RBFOX1: variants seen among roughly 807,000 people sequenced by gnomAD.
The protein encoded by RBFOX1 is RNA binding protein fox-1 homolog 1.
In RBFOX1, 8 loss-of-function variants were observed where a neutral mutation model predicts 57.7. The observed-to-expected ratio is 0.14, with a 90% CI of 0.08 to 0.25. The LOEUF (loss-of-function observed/expected upper bound fraction) is 0.25. Ranked by LOEUF, RBFOX1 falls within the 10% of genes least tolerant of loss-of-function variation. The pLI is 1.00. For missense variants in RBFOX1, 611 were observed against 548.5 expected, an observed-to-expected ratio of 1.11 and a Z score of -1.14; for synonymous variants, 326 against 222.4, an observed-to-expected ratio of 1.47 and a Z score of -4.15.
chr16:6,799,127 C>T (rs1180486072), intron 3 of RBFOX1, among the ~76,000 whole-genome samples: 1 of 152,010 alleles, frequency 6.6e-6, no homozygotes, highest in Non-Finnish European at 1.5e-5. Flanking sequence ...AATCCCAGAA[C>T]TGGGGCTCAG....
chr16:6,330,678 A>C (rs945430461), intron 2 of RBFOX1, among the ~76,000 whole-genome samples: 1 of 152,218 alleles, frequency 6.6e-6, no homozygotes, highest in Admixed American at 6.5e-5. Context: ...GCCTAGACTC[A>C]GGGGTCTTAC....
chr16:7,388,324 G>A (rs1229409299), intron 4 of RBFOX1, among the ~76,000 whole-genome samples: 1 of 152,164 alleles, frequency 6.6e-6, no homozygotes, highest in Admixed American at 6.5e-5. Flanking sequence ...CTGAATACAA[G>A]TGGCAATGAG....
At chr16:7,582,835 G>C (rs373704325) in intron 6 of RBFOX1, among the ~76,000 whole-genome samples, 1 of 152,166 alleles carries the variant, frequency 6.6e-6, no homozygotes, top group East Asian at 1.9e-4. Flanking sequence ...TTTGTCTCTT[G>C]TTAAATATAG....
intron 1 of RBFOX1, among the ~76,000 whole-genome samples, chr16:5,418,346 C>T (rs740470): frequency 9.1e-5 from 13 of 143,206 alleles, no homozygotes; most frequent in Non-Finnish European, 1.2e-4. Flanking sequence ...GAGGCAGGTG[C>T]GGTCACAGGT....
intron 14 of RBFOX1, among the ~76,000 whole-genome samples, chr16:7,708,354 T>C (rs1032632886): frequency 1.3e-5 from 2 of 152,224 alleles, no homozygotes; most frequent in African/African-American, 4.8e-5. Flanking sequence ...TGGCAGGTAG[T>C]AGGATGGTAG....
Position 6,658,592 on chromosome 16 carries a change from A to C in RBFOX1, c.-16+3942A>C, listed in dbSNP as rs866049812. Among the ~76,000 whole-genome samples the C allele has an allele frequency of 7.9e-5, 12 of 152,316 alleles. No individual in the cohort carries two copies. The Middle Eastern group carries it at 0.01, about 130-fold the overall frequency. ...GGCTCGATCTGAGACTCTTCATAGA[A>C]TAAAAGAATTTTTATCCTCTCCTGT... On this transcript the variant is annotated intron_variant, in intron 3 of 15. Coordinates refer to ENST00000550418, the MANE Select transcript of RBFOX1 (RefSeq NM_018723.4).
intron 2 of RBFOX1, among the ~76,000 whole-genome samples, chr16:6,358,472 G>A (rs192152900): frequency 6.6e-6 from 1 of 152,294 alleles, no homozygotes; most frequent in East Asian, 1.9e-4. Flanking sequence ...ATTTTGTTTG[G>A]ATTAATAATT....
chr16:5,655,968 T>C (rs961594264), intron 3 of RBFOX1, among the ~76,000 whole-genome samples: 2 of 152,236 alleles, frequency 1.3e-5, no homozygotes, highest in Non-Finnish European at 2.9e-5. Context: ...TCACTGTGTC[T>C]GTCTTGTTCA....
At chr16:5,385,287 C>T (rs1319130465) in intron 1 of RBFOX1, among the ~76,000 whole-genome samples, 1 of 152,220 alleles carries the variant, frequency 6.6e-6, no homozygotes, top group Non-Finnish European at 1.5e-5. Context: ...CTAGGCTGCA[C>T]TGATTACTTT....
At chr16:5,551,946 C>A (rs376841942) in intron 2 of RBFOX1, among the ~76,000 whole-genome samples, 80 of 152,246 alleles carry the variant, frequency 5.3e-4, no homozygotes, top group African/African-American at 1.9e-3. Flanking sequence ...CAGCTTCATC[C>A]GTGTCCCTGC....
chr16:7,224,720 A>G (rs1390154124), intron 4 of RBFOX1, among the ~76,000 whole-genome samples: 1 of 152,210 alleles, frequency 6.6e-6, no homozygotes, highest in Non-Finnish European at 1.5e-5. Context: ...AAAACCAATC[A>G]ATGGGAATTG....
At chr16:5,873,525 G>T (rs1043627616) in intron 4 of RBFOX1, among the ~76,000 whole-genome samples, 3 of 152,236 alleles carry the variant, frequency 2.0e-5, no homozygotes, top group African/African-American at 7.2e-5. Flanking sequence ...AGAATTCTCA[G>T]TTGGAGATAT....
intron 4 of RBFOX1, among the ~76,000 whole-genome samples, chr16:7,089,380 T>C (rs2060466005): frequency 6.6e-6 from 1 of 151,620 alleles, no homozygotes; most frequent in Admixed American, 6.6e-5. Flanking sequence ...AAATTTTGAA[T>C]GTTTACAAAT....
At chr16:7,137,667 G>A (rs2072417019) in intron 4 of RBFOX1, among the ~76,000 whole-genome samples, 1 of 152,164 alleles carries the variant, frequency 6.6e-6, no homozygotes, top group South Asian at 2.1e-4. Context: ...CCTCAGATTA[G>A]GGGCAAGCTC....
At chr16:6,603,757 A>G (rs1011174346) in intron 2 of RBFOX1, among the ~76,000 whole-genome samples, 11 of 152,196 alleles carry the variant, frequency 7.2e-5, no homozygotes, top group African/African-American at 2.7e-4. Context: ...GGATGGCCTT[A>G]ATATTAGGGT....
intron 1 of RBFOX1, among the ~76,000 whole-genome samples, chr16:5,275,261 A>G (rs1214768441): frequency 1.3e-5 from 2 of 152,274 alleles, no homozygotes; most frequent in African/African-American, 4.8e-5. Context: ...GGTCTTTGGG[A>G]TATTGATCAC....
chr16:7,034,922 C>T (rs1272517371), intron 3 of RBFOX1, among the ~76,000 whole-genome samples: 1 of 129,372 alleles, frequency 7.7e-6, no homozygotes, highest in East Asian at 2.6e-4. Flanking sequence ...GATCTCTGTT[C>T]ACTGCAACCT....
chr16:6,662,405 GT>G (rs1234979203), intron 3 of RBFOX1, among the ~76,000 whole-genome samples: 1 of 151,992 alleles, frequency 6.6e-6, no homozygotes, highest in Non-Finnish European at 1.5e-5. Context: ...TGCAATTTTT[GT>G]TTTTCAGTTT....
chr16:7,036,290 G>A (rs2044398241), intron 3 of RBFOX1, among the ~76,000 whole-genome samples: 1 of 151,188 alleles, frequency 6.6e-6, no homozygotes, highest in Non-Finnish European at 1.5e-5. Context: ...TGGATTTACA[G>A]TGTCCCATCC....
Sources: gnomAD v4.1 joint callset for allele counts (sites outside exome capture counted in the v4.1 genomes callset) on GRCh38, gnomAD v4.1.1 for gene constraint, MANE v1.5 for transcripts, NCBI Gene and HGNC (gene_info 2026-07-23, HGNC 2026-07-21) for gene names.